The following ATP6V1H variants were observed in gnomAD, a reference collection of about 807,000 sequenced individuals.
ATP6V1H encodes the protein V-type proton ATPase subunit H.
A neutral mutation model predicts 71.7 loss-of-function variants in ATP6V1H; 39 were observed. The observed-to-expected ratio is 0.54, with a 90% CI of 0.42 to 0.71. The LOEUF is 0.71. Among genes scored for constraint, ATP6V1H ranks in the 30% least tolerant of loss-of-function variants. ATP6V1H has a pLI of 0.00. For missense variants in ATP6V1H, 509 were observed against 594.9 expected, an observed-to-expected ratio of 0.86 and a Z score of 1.50; for synonymous variants, 192 against 199.3, an observed-to-expected ratio of 0.96 and a Z score of 0.31.
chr8:53,820,781 A>G (rs1159770173), intron 4 of ATP6V1H, among the ~76,000 whole-genome samples: 1 of 151,752 alleles, frequency 6.6e-6, no homozygotes, highest in Non-Finnish European at 1.5e-5. Context: ...CAGGAGTTCT[A>G]GACCAGCTTG....
rs759625057 is a variant in ATP6V1H at position 53,841,656 on chromosome 8, G to A, written c.35C>T (p.Ala12Val). The A allele has an allele frequency of 1.5e-5, 24 of 1,613,892 alleles. No individual in the cohort carries two copies. The highest frequency in any genetic ancestry group is 2.0e-5 in the Non-Finnish European group (24 of 1,179,910). ...TKMDIRGAVD[A>V]AVPTNIIAAK... Reference sequence around the variant, plus strand: ...AGCAATAATATTGGTGGGGACAGCAGCATCCACAGCACCTCGGATATCCAT... The same window carrying A: ...AGCAATAATATTGGTGGGGACAGCAACATCCACAGCACCTCGGATATCCAT... The change falls in exon 2 of 14, where the codon GCT becomes GTT. Residue 12 changes from alanine to valine, a missense_variant. By Grantham distance (64) the Ala-to-Val change is moderately conservative. This residue lies in a region of ATP6V1H where 297 missense variants were observed against 303.3 expected (regional missense o/e 0.98). Coordinates refer to ENST00000359530, the MANE Select transcript of ATP6V1H (RefSeq NM_015941.4).
At chr8:53,792,444 C>T (rs1430283202) in intron 9 of ATP6V1H, among the ~76,000 whole-genome samples, 1 of 152,216 alleles carries the variant, frequency 6.6e-6, no homozygotes, top group Non-Finnish European at 1.5e-5. Flanking sequence ...CCGTCCCTCA[C>T]TCACTCAGCC....
chr8:53,821,735 A>C (rs1352158846), intron 4 of ATP6V1H, among the ~76,000 whole-genome samples: 1 of 152,166 alleles, frequency 6.6e-6, no homozygotes, highest in African/African-American at 2.4e-5. Context: ...GAGGAGTATT[A>C]TAAACCACCC....
chr8:53,825,991 T>A (rs1267110110), intron 4 of ATP6V1H, among the ~76,000 whole-genome samples: 1 of 152,162 alleles, frequency 6.6e-6, no homozygotes, highest in Non-Finnish European at 1.5e-5. Context: ...AGAAAATATT[T>A]GCACTTTGTT....
chr8:53,822,041 G>T (rs921430049), intron 4 of ATP6V1H, among the ~76,000 whole-genome samples: 5 of 151,978 alleles, frequency 3.3e-5, no homozygotes, highest in Non-Finnish European at 7.4e-5. Context: ...AAAGAAAAGA[G>T]CAAAATGGTC....
intron 4 of ATP6V1H, among the ~76,000 whole-genome samples, chr8:53,822,385 C>A (rs1167966377): frequency 6.6e-6 from 1 of 151,662 alleles, no homozygotes; most frequent in East Asian, 1.9e-4. Context: ...AAAATAGCCA[C>A]TAAAAAATGA....
intron 12 of ATP6V1H, among the ~76,000 whole-genome samples, chr8:53,747,838 G>A (rs1025924670): frequency 1.3e-5 from 2 of 151,772 alleles, no homozygotes; most frequent in Non-Finnish European, 1.5e-5. Flanking sequence ...CACTGCATCC[G>A]TCCAAGAAAG....
chr8:53,804,350 C>T (rs1272191509), intron 7 of ATP6V1H, among the ~76,000 whole-genome samples: 4 of 152,074 alleles, frequency 2.6e-5, no homozygotes, highest in African/African-American at 9.7e-5. Flanking sequence ...GAATCCAAGA[C>T]ATAAAAAGGT....
intron 4 of ATP6V1H, among the ~76,000 whole-genome samples, chr8:53,825,936 G>A (rs1810811948): frequency 6.6e-6 from 1 of 152,014 alleles, no homozygotes; most frequent in East Asian, 1.9e-4. Flanking sequence ...TTTACCCTGT[G>A]AAAAATGTTA....
intron 13 of ATP6V1H, among the ~76,000 whole-genome samples, chr8:53,729,388 T>C (rs1806936850): frequency 6.6e-6 from 1 of 152,122 alleles, no homozygotes; most frequent in South Asian, 2.1e-4. Context: ...ATTTATTACT[T>C]ACAGATAGGA....
chr8:53,746,655 C>G (rs1016083609), intron 12 of ATP6V1H, among the ~76,000 whole-genome samples: 4 of 152,066 alleles, frequency 2.6e-5, no homozygotes, highest in Non-Finnish European at 5.9e-5. Context: ...TGGATGATCT[C>G]GCCCCACTGA....
At chr8:53,788,299 A>G (rs907124708) in intron 9 of ATP6V1H, among the ~76,000 whole-genome samples, 10 of 152,208 alleles carry the variant, frequency 6.6e-5, no homozygotes, top group Non-Finnish European at 1.3e-4. Flanking sequence ...ACCCAAAATT[A>G]GACAATAGAA....
Position 53,829,052 on chromosome 8 carries a change from C to T in ATP6V1H, c.306+392G>A, listed in dbSNP as rs115274618. Among the ~76,000 whole-genome samples, 724 of 152,288 alleles carry T rather than the reference C, an allele frequency of 4.8e-3. 4 individuals carry two copies. Among genetic ancestry groups the T allele is most frequent in the African/African-American group, 0.017 (688 of 41,554 alleles). On this transcript the variant is annotated intron_variant, in intron 4 of 13. Transcript: ENST00000359530. The stretch of plus-strand genomic sequence containing the variant: ...AAAAGGAACAAAAGCACCGAACCTC[C>T]AGGGCCCGGCACTGGCCTAGAACAT...
At chr8:53,744,916 G>A (rs1807546898) in intron 12 of ATP6V1H, among the ~76,000 whole-genome samples, 2 of 152,182 alleles carry the variant, frequency 1.3e-5, no homozygotes, top group Middle Eastern at 3.4e-3. Flanking sequence ...TCTTCACAGC[G>A]TTGCTGTGAT....
At chr8:53,783,088 T>A (rs1809226165) in intron 9 of ATP6V1H, among the ~76,000 whole-genome samples, 1 of 152,186 alleles carries the variant, frequency 6.6e-6, no homozygotes, top group Admixed American at 6.5e-5. Context: ...CCTCTTTTTC[T>A]ATTGATTGGA....
At chr8:53,806,035 T>C (rs1271523494) in intron 7 of ATP6V1H, among the ~76,000 whole-genome samples, 1 of 152,118 alleles carries the variant, frequency 6.6e-6, no homozygotes, top group African/African-American at 2.4e-5. Flanking sequence ...TCGCTGAACA[T>C]TTAACATCTG....
chr8:53,788,923 C>T (rs1396393126), intron 9 of ATP6V1H, among the ~76,000 whole-genome samples: 6 of 152,150 alleles, frequency 3.9e-5, no homozygotes, highest in African/African-American at 9.7e-5. Context: ...CTTTGTATAC[C>T]GTAAACACAG....
At chr8:53,751,706 G>A (rs999444672) in intron 12 of ATP6V1H, among the ~76,000 whole-genome samples, 1 of 150,158 alleles carries the variant, frequency 6.7e-6, no homozygotes, top group Admixed American at 6.6e-5. Flanking sequence ...GTCTCGCTGT[G>A]TCACCCAGAT....
At chr8:53,833,196 T>C (rs1811064023) in intron 2 of ATP6V1H, 110 bp from the exon 3 acceptor site, 2 of 756,316 alleles carry the variant, frequency 2.6e-6, no homozygotes, top group Non-Finnish European at 4.4e-6. Context: ...CCACAAGGGC[T>C]GACGCAAGGG....
Sources: allele counts gnomAD v4.1 joint callset (sites outside exome capture counted in the v4.1 genomes callset), GRCh38; gene constraint gnomAD v4.1.1; regional missense constraint gnomAD v4.1.1; transcripts MANE v1.5; gene names NCBI Gene and HGNC (gene_info 2026-07-23, HGNC 2026-07-21).